Variants in VPS13A observed in about 807,000 individuals in gnomAD.
VPS13A encodes vacuolar protein sorting 13 homolog A.
In VPS13A, 264 loss-of-function variants were observed where a neutral mutation model predicts 390.9. That is an observed-to-expected ratio of 0.68 (90% CI 0.61 to 0.75). VPS13A has a LOEUF of 0.75. Ranked by LOEUF, VPS13A falls within the 30% of genes least tolerant of loss-of-function variation. The pLI is 0.00. For synonymous variants in VPS13A, 1,231 were observed against 1,227.1 expected (o/e 1.00, Z -0.07); for missense variants, 3,409 against 3,733.9 (o/e 0.91, Z 2.27).
chr9:77,206,175 G>C lies in VPS13A; in HGVS notation c.385+96G>C, dbSNP rs1338838153. ...TATTATTTTTCTCTGGAGATGCTGA[G>C]ATTATTTCAGAAATATGATAGAATC... On this transcript the variant is annotated intron_variant, in intron 5 of 71. Coordinates refer to ENST00000360280, the MANE Select transcript of VPS13A (RefSeq NM_033305.3). The C allele has an allele frequency of 7.9e-6, 7 of 889,300 alleles. No individual in the cohort carries two copies. In the Admixed American group the frequency reaches 9.2e-5, roughly 12 times the overall value. The allele number at this position is 889,300 out of a possible 1,614,324, so 55.1% of individuals were successfully genotyped here. A position where few individuals can be genotyped will look rare whatever the true frequency, so the allele number is the denominator to read the frequency against.
At chr9:77,371,372 G>A (rs1832737869) in intron 67 of VPS13A, among the ~76,000 whole-genome samples, 1 of 152,092 alleles carries the variant, frequency 6.6e-6, no homozygotes, top group Non-Finnish European at 1.5e-5. Flanking sequence ...ATCTGGCTAG[G>A]GCCTTTTTGC....
chr9:77,316,521 T>C lies in VPS13A; in HGVS notation c.4863+115T>C, dbSNP rs146714554. The C allele has an allele frequency of 1.6e-3, 1,365 of 843,276 alleles. 16 individuals carry two copies. The African/African-American group carries it at 0.021, about 13-fold the overall frequency. The allele number at this position is 843,276 out of a possible 1,614,324, so 52.2% of individuals were successfully genotyped here. On this transcript the variant is annotated intron_variant, in intron 39 of 71. Transcript: ENST00000360280. ...TCCAACCTTGCTCTGTAAAATGTCT[T>C]TCTCTCTGCTTAGAGAGCTTAATTT...
chr9:77,231,096 A>G (rs1233431008), intron 17 of VPS13A, among the ~76,000 whole-genome samples: 1 of 152,144 alleles, frequency 6.6e-6, no homozygotes, highest in Non-Finnish European at 1.5e-5. Flanking sequence ...TGCAACCTTG[A>G]TGAACTTGTT....
Position 77,293,419 on chromosome 9 carries a change from A to G in VPS13A, c.3418A>G (p.Thr1140Ala). 6.2e-7 allele frequency: 1 copy of G among 1,612,742 alleles called. No individual in the cohort carries two copies. The highest frequency in any genetic ancestry group is 8.5e-7 in the Non-Finnish European group (1 of 1,179,434). Residue 1140 changes from threonine to alanine, a missense_variant, in exon 32 of 72, where the codon ACA becomes GCA. Physicochemically the swap from Thr to Ala is moderately conservative, Grantham distance 58. Transcript: ENST00000360280. Reference sequence around the variant, plus strand: ...GGATGCAACTGCTGGTTCTGCATACACAGATATGAATGTGGTTGACATTCA... The same window carrying G: ...GGATGCAACTGCTGGTTCTGCATACGCAGATATGAATGTGGTTGACATTCA... Reference protein sequence around the residue: ...YMDATAGSAYTDMNVVDIQVN... With the variant: ...YMDATAGSAYADMNVVDIQVN...
intron 1 of VPS13A, among the ~76,000 whole-genome samples, chr9:77,197,215 C>A (rs533911126): frequency 6.6e-6 from 1 of 152,202 alleles, no homozygotes; most frequent in Non-Finnish European, 1.5e-5. Context: ...CCCATGTGCA[C>A]CTGAGAAAAA....
chr9:77,338,926 AG>A (rs1830671605), intron 47 of VPS13A: 1 of 154,560 alleles, frequency 6.5e-6, no homozygotes, highest in Non-Finnish European at 1.4e-5. Context: ...AAGGGACTAG[AG>A]GGGACAAGAG....
chr9:77,293,531 A>T, intron 32 of VPS13A, 23 bp downstream of exon 32: 2 of 1,308,542 alleles, frequency 1.5e-6, no homozygotes, highest in Non-Finnish European at 2.0e-6. Context: ...TTAAATTATT[A>T]TTTATTTTAT....
intron 35 of VPS13A, among the ~76,000 whole-genome samples, chr9:77,311,320 A>T (rs1829063962): frequency 6.6e-6 from 1 of 152,142 alleles, no homozygotes; most frequent in African/African-American, 2.4e-5. Context: ...TTTAAAGCAA[A>T]TCCCAGATAC....
rs1027065483 is a variant in VPS13A, at chr9:77,204,132, A to G, written c.188-1181A>G. On this transcript the variant is annotated intron_variant, in intron 3 of 71. Transcript: ENST00000360280. ...GTTTTCTACACATGGAGTTTATAAA[A>G]TATCATGAGATGGATCTAAGTGGAT... Among the ~76,000 whole-genome samples, 4 of 152,228 alleles carry G rather than the reference A, an allele frequency of 2.6e-5. No individual in the cohort carries two copies. The South Asian group carries it at 8.3e-4, about 31-fold the overall frequency.
intron 68 of VPS13A, chr9:77,382,816 T>G (rs1833510550): frequency 1.0e-6 from 1 of 985,296 alleles, no homozygotes; most frequent in Non-Finnish European, 1.2e-6. Flanking sequence ...TAATACAAAG[T>G]AGCATCTGGA....
At chr9:77,232,735 A>G (rs7024045) in intron 17 of VPS13A, among the ~76,000 whole-genome samples, 85,391 of 151,880 alleles carry the variant, frequency 0.56, 24,261 homozygotes, top group East Asian at 0.68. Flanking sequence ...ATCAGACCTC[A>G]TGAGACTTAT....
At chr9:77,333,425 C>CTT (rs1830378868) in intron 46 of VPS13A, among the ~76,000 whole-genome samples, 3 of 113,034 alleles carry the variant, frequency 2.7e-5, no homozygotes, top group East Asian at 2.9e-4. Context: ...TCTCATTAGG[C>CTT]ATTTTTTTTT....
intron 34 of VPS13A, 22 bp downstream of exon 34, chr9:77,303,084 T>G: frequency 6.2e-7 from 1 of 1,613,664 alleles, no homozygotes; most frequent in Non-Finnish European, 8.5e-7. Context: ...TGGATACTTA[T>G]CAATTTTTGT....
intron 45 of VPS13A, among the ~76,000 whole-genome samples, chr9:77,325,217 G>A (rs1829947961): frequency 6.6e-6 from 1 of 152,136 alleles, no homozygotes. Flanking sequence ...CTAATGCTCT[G>A]GCTGATCTGA....
chr9:77,268,632 C>T (rs1185216842), intron 23 of VPS13A, among the ~76,000 whole-genome samples: 1 of 151,978 alleles, frequency 6.6e-6, no homozygotes, highest in African/African-American at 2.4e-5. Flanking sequence ...AAGTTTTATC[C>T]CCAGTCTGTT....
At chr9:77,237,271 T>C (rs1010087278) in intron 17 of VPS13A, among the ~76,000 whole-genome samples, 3 of 152,152 alleles carry the variant, frequency 2.0e-5, no homozygotes, top group African/African-American at 7.2e-5. Flanking sequence ...CACCAGTTCT[T>C]TCCCTGTTTG....
intron 33 of VPS13A, among the ~76,000 whole-genome samples, chr9:77,299,165 T>A (rs1564706610): frequency 6.6e-6 from 1 of 152,186 alleles, no homozygotes; most frequent in Non-Finnish European, 1.5e-5. Context: ...ACTGTAGCCT[T>A]GTAGTATAGT....
At chr9:77,324,525 G>A (rs972000198) in intron 45 of VPS13A, among the ~76,000 whole-genome samples, 2 of 152,134 alleles carry the variant, frequency 1.3e-5, no homozygotes, top group Admixed American at 6.6e-5. Flanking sequence ...TTGTTAGTAT[G>A]ATGAATTACA....
intron 31 of VPS13A, among the ~76,000 whole-genome samples, chr9:77,292,332 A>G (rs940265055): frequency 6.6e-6 from 1 of 151,872 alleles, no homozygotes; most frequent in Non-Finnish European, 1.5e-5. Context: ...CCTCTCTACC[A>G]CAAGTGAGCT....
Sources: gnomAD v4.1 joint callset for allele counts (sites outside exome capture counted in the v4.1 genomes callset) on GRCh38, gnomAD v4.1.1 for gene constraint, MANE v1.5 for transcripts, NCBI Gene and HGNC (gene_info 2026-07-23, HGNC 2026-07-21) for gene names.